The following MUSK variants were observed in gnomAD, a reference collection of about 807,000 sequenced individuals.
MUSK encodes muscle, skeletal receptor tyrosine-protein kinase.
Under a neutral mutation model 88.7 loss-of-function variants are expected in MUSK, and 55 were observed. The observed-to-expected ratio is 0.62, with a 90% CI of 0.50 to 0.78. The LOEUF is 0.78. MUSK is among the 30% of genes least tolerant of loss of function. The pLI is 0.00. For missense variants in MUSK, 1,015 were observed against 1,074.3 expected (o/e 0.94, Z 0.77); for synonymous variants, 387 against 391.9 (o/e 0.99, Z 0.15).
At position 110,802,740 on chromosome 9, in the gene MUSK, T is replaced by C. The variant is rs2132074325; in HGVS notation, c.*1752T>C. The stretch of plus-strand genomic sequence containing the variant: ...TCAACCTCTACCGTTGCCCACCCTG[T>C]CTATTAGCTGGCCTTCCTCTCATTT... On this transcript the variant is annotated 3_prime_UTR_variant, in exon 15 of 15. Coordinates refer to ENST00000374448, the MANE Select transcript of MUSK (RefSeq NM_005592.4). Among the ~76,000 whole-genome samples the C allele has an allele frequency of 6.6e-6, 1 of 152,218 alleles. No individual in the cohort carries two copies. The highest frequency in any genetic ancestry group is 2.4e-5 in the African/African-American group (1 of 41,560).
chr9:110,717,397 A>G (rs562288814), intron 5 of MUSK, among the ~76,000 whole-genome samples: 2 of 149,874 alleles, frequency 1.3e-5, no homozygotes, highest in African/African-American at 2.5e-5. Context: ...AACTAAAGCA[A>G]GCATCTTATC....
At chr9:110,691,191 C>T (rs1254694155) in intron 3 of MUSK, among the ~76,000 whole-genome samples, 1 of 152,052 alleles carries the variant, frequency 6.6e-6, no homozygotes, top group African/African-American at 2.4e-5. Context: ...CAATCGATGA[C>T]TCACTCTTGG....
intron 14 of MUSK, among the ~76,000 whole-genome samples, chr9:110,791,267 G>C (rs2077971366): frequency 7.0e-6 from 1 of 142,920 alleles, no homozygotes; most frequent in Non-Finnish European, 1.5e-5. Context: ...CCGTGCGCGA[G>C]CCGAAGCAGG....
At chr9:110,761,707 C>T (rs1384416395) in intron 7 of MUSK, among the ~76,000 whole-genome samples, 1 of 151,130 alleles carries the variant, frequency 6.6e-6, no homozygotes, top group Non-Finnish European at 1.5e-5. Flanking sequence ...TCCCACGTAG[C>T]GGGATTACAG....
intron 5 of MUSK, among the ~76,000 whole-genome samples, chr9:110,724,797 T>C (rs2076861584): frequency 1.3e-5 from 2 of 152,030 alleles, no homozygotes; most frequent in Non-Finnish European, 2.9e-5. Flanking sequence ...TGTAATATCA[T>C]AACACCAACT....
intron 5 of MUSK, among the ~76,000 whole-genome samples, chr9:110,732,309 A>G (rs1040749568): frequency 6.6e-6 from 1 of 152,072 alleles, no homozygotes; most frequent in Non-Finnish European, 1.5e-5. Flanking sequence ...TTTTAGCCAG[A>G]TGATGCACAT....
chr9:110,713,234 CT>C (rs939765255), intron 5 of MUSK, among the ~76,000 whole-genome samples: 24 of 150,554 alleles, frequency 1.6e-4, no homozygotes, highest in Admixed American at 4.0e-4. Flanking sequence ...AGATCATCTT[CT>C]TGGTATCTTC....
chr9:110,691,856 G>A (rs540918627), intron 3 of MUSK, among the ~76,000 whole-genome samples: 1 of 152,054 alleles, frequency 6.6e-6, no homozygotes, highest in African/African-American at 2.4e-5. Context: ...ATTTGTGCAC[G>A]ATTGGAAGTC....
intron 6 of MUSK, among the ~76,000 whole-genome samples, chr9:110,737,861 T>C (rs1473024944): frequency 6.6e-6 from 1 of 152,150 alleles, no homozygotes; most frequent in Non-Finnish European, 1.5e-5. Flanking sequence ...CAGGTTATTC[T>C]CAAGCTCTAG....
intron 3 of MUSK, among the ~76,000 whole-genome samples, chr9:110,688,173 T>C (rs549064118): frequency 6.6e-6 from 1 of 152,240 alleles, no homozygotes; most frequent in South Asian, 2.1e-4. Flanking sequence ...GTATTCATCA[T>C]GTCATCTGCT....
At chr9:110,673,957 A>G (rs1199488194) in intron 1 of MUSK, among the ~76,000 whole-genome samples, 2 of 152,168 alleles carry the variant, frequency 1.3e-5, no homozygotes, top group South Asian at 2.1e-4. Flanking sequence ...ATTTTTACTT[A>G]GCACTAAAGC....
chr9:110,740,035 T>C (rs750992819), intron 6 of MUSK, among the ~76,000 whole-genome samples: 10 of 152,150 alleles, frequency 6.6e-5, no homozygotes, highest in Non-Finnish European at 1.3e-4. Context: ...TCCCAAATTG[T>C]GTTTAATGCA....
At chr9:110,791,160 C>T (rs1035169092) in intron 14 of MUSK, among the ~76,000 whole-genome samples, 3 of 151,218 alleles carry the variant, frequency 2.0e-5, no homozygotes, top group African/African-American at 4.9e-5. Flanking sequence ...GCGTGAGCGA[C>T]GCAGAAGACG....
intron 1 of MUSK, among the ~76,000 whole-genome samples, chr9:110,674,193 C>T (rs1175602854): frequency 6.6e-6 from 1 of 152,086 alleles, no homozygotes; most frequent in Non-Finnish European, 1.5e-5. Context: ...ATAATGAGCA[C>T]TGAGTTGGGA....
intron 11 of MUSK, among the ~76,000 whole-genome samples, chr9:110,778,793 T>G (rs1398353580): frequency 2.0e-5 from 3 of 152,138 alleles, no homozygotes; most frequent in Admixed American, 1.3e-4. Flanking sequence ...CAAGACCTCA[T>G]GTGTAATAAA....
In MUSK at chr9:110,677,716, GT is replaced by G. The variant is rs370064176; in HGVS notation, c.80-4949del. 1.4e-3 allele frequency among the ~76,000 whole-genome samples: 205 copies of G among 151,708 alleles called. 2 individuals are homozygous for G. The highest frequency in any genetic ancestry group is 4.5e-3 in the African/African-American group (184 of 41,338). On this transcript the variant is annotated intron_variant, in intron 1 of 14. Coordinates refer to ENST00000374448, the MANE Select transcript of MUSK (RefSeq NM_005592.4). ...TGAATGTGTGTGAATGTATTGTGTA[GT>G]TTTTTTTTATTCCTAGTTTTATCAA...
intron 6 of MUSK, among the ~76,000 whole-genome samples, chr9:110,741,622 T>G (rs2077099988): frequency 6.6e-6 from 1 of 152,244 alleles, no homozygotes; most frequent in Admixed American, 6.5e-5. Context: ...ATTCATTTAT[T>G]ATTGTCACTT....
intron 6 of MUSK, among the ~76,000 whole-genome samples, chr9:110,738,637 C>T (rs2077057212): frequency 6.6e-6 from 1 of 152,178 alleles, no homozygotes; most frequent in Admixed American, 6.6e-5. Flanking sequence ...CTCATGCTCA[C>T]TCATTCTTCC....
intron 5 of MUSK, among the ~76,000 whole-genome samples, chr9:110,722,705 A>G (rs1279672283): frequency 1.3e-5 from 2 of 152,076 alleles, no homozygotes; most frequent in Admixed American, 6.6e-5. Context: ...CAAGAAAAAA[A>G]AAATCCCATC....
Sources: gnomAD v4.1 joint callset for allele counts (sites outside exome capture counted in the v4.1 genomes callset) on GRCh38, gnomAD v4.1.1 for gene constraint, MANE v1.5 for transcripts, NCBI Gene and HGNC (gene_info 2026-07-23, HGNC 2026-07-21) for gene names.